PHLPP1: variants seen among roughly 807,000 people sequenced by gnomAD.
PHLPP1 encodes the protein PH domain and leucine rich repeat protein phosphatase 1, also known as PH domain leucine-rich repeat-containing protein phosphatase 1.
In PHLPP1, 42 loss-of-function variants were observed where a neutral mutation model predicts 117.2. The ratio of observed to expected loss-of-function variants is 0.36; its 90% CI spans 0.28 to 0.46. The LOEUF (loss-of-function observed/expected upper bound fraction) is 0.46. PHLPP1 is among the 20% of genes least tolerant of loss of function. The pLI is 1.00. For missense variants in PHLPP1, 2,084 were observed against 2,241.9 expected (o/e 0.93, Z 1.42); for synonymous variants, 1,042 against 970.7 (o/e 1.07, Z -1.37).
At chr18:62,772,767 G>A (rs1912826566) in intron 1 of PHLPP1, among the ~76,000 whole-genome samples, 1 of 145,282 alleles carries the variant, frequency 6.9e-6, no homozygotes, top group Non-Finnish European at 1.5e-5. Flanking sequence ...GCAGGTGGAG[G>A]TTACAGTGAG....
intron 1 of PHLPP1, among the ~76,000 whole-genome samples, chr18:62,750,291 T>A (rs1384274790): frequency 6.6e-6 from 1 of 152,184 alleles, no homozygotes; most frequent in Admixed American, 6.5e-5. Flanking sequence ...TGGAGATACA[T>A]ACAGAAGTAG....
chr18:62,748,072 G>A (rs1911730127), intron 1 of PHLPP1, among the ~76,000 whole-genome samples: 1 of 151,970 alleles, frequency 6.6e-6, no homozygotes, highest in Admixed American at 6.6e-5. Flanking sequence ...TCCTTAGATC[G>A]TGATTGTTAA....
chr18:62,738,007 T>G (rs1177162361), intron 1 of PHLPP1, among the ~76,000 whole-genome samples: 1 of 152,024 alleles, frequency 6.6e-6, no homozygotes, highest in Non-Finnish European at 1.5e-5. Context: ...AGACCTCTAG[T>G]GGATGCCTGA....
chr18:62,895,643 CAGGCCCTGCCCTT>C, intron 5 of PHLPP1, 125 bp from the exon 6 acceptor site: 1 of 619,468 alleles, frequency 1.6e-6, no homozygotes, highest in African/African-American at 1.8e-5. Context: ...ATTATTGCCT[CAGGCCCTGCCCTT>C]AGGCATTTTG....
intron 10 of PHLPP1, among the ~76,000 whole-genome samples, chr18:62,928,269 C>T (rs1909705043): frequency 6.6e-6 from 1 of 152,076 alleles, no homozygotes; most frequent in Admixed American, 6.5e-5. Context: ...GTGCAACCCA[C>T]AGAAATATAT....
intron 4 of PHLPP1, among the ~76,000 whole-genome samples, chr18:62,863,049 CTT>C (rs11318520): frequency 0.077 from 10,886 of 141,788 alleles, 499 homozygotes; most frequent in Non-Finnish European, 0.11. Flanking sequence ...CTGTGGTATT[CTT>C]TTTTTTTTTT....
chr18:62,961,169 G>T (rs978537475), intron 13 of PHLPP1, among the ~76,000 whole-genome samples: 3 of 152,196 alleles, frequency 2.0e-5, no homozygotes, highest in African/African-American at 7.2e-5. Flanking sequence ...GGTGACGCAT[G>T]CCTGCAATCC....
At chr18:62,736,855 T>A (rs1295154227) in intron 1 of PHLPP1, among the ~76,000 whole-genome samples, 2 of 152,208 alleles carry the variant, frequency 1.3e-5, no homozygotes, top group Non-Finnish European at 2.9e-5. Context: ...TAGACATTAT[T>A]TATTTACTTG....
intron 2 of PHLPP1, chr18:62,838,063 A>AT (rs1568133421): frequency 7.9e-5 from 12 of 151,516 alleles, no homozygotes; most frequent in East Asian, 5.8e-4. Context: ...AATTGAAAAA[A>AT]ATATATATAT....
intron 2 of PHLPP1, among the ~76,000 whole-genome samples, chr18:62,834,421 T>A (rs1172064615): frequency 2.6e-5 from 4 of 152,156 alleles, no homozygotes; most frequent in African/African-American, 9.7e-5. Context: ...GAGTTTAAAA[T>A]ATTGTGCAAA....
At chr18:62,802,710 CCG>C (rs1389389896) in intron 1 of PHLPP1, among the ~76,000 whole-genome samples, 1 of 151,962 alleles carries the variant, frequency 6.6e-6, no homozygotes, top group Non-Finnish European at 1.5e-5. Context: ...TGTGAAAACA[CCG>C]AGAATGTATA....
intron 1 of PHLPP1, among the ~76,000 whole-genome samples, chr18:62,753,135 T>C (rs984437192): frequency 1.1e-4 from 16 of 152,184 alleles, no homozygotes; most frequent in Admixed American, 5.2e-4. Flanking sequence ...TTGAGAGAAA[T>C]AGTGCAGAGC....
intron 1 of PHLPP1, among the ~76,000 whole-genome samples, chr18:62,815,293 G>A (rs1478936255): frequency 6.6e-6 from 1 of 151,944 alleles, no homozygotes; most frequent in Non-Finnish European, 1.5e-5. Context: ...GAGTAGCTGG[G>A]ACTACAGGCG....
intron 1 of PHLPP1, among the ~76,000 whole-genome samples, chr18:62,756,901 A>G (rs1469991853): frequency 6.6e-6 from 1 of 152,214 alleles, no homozygotes; most frequent in African/African-American, 2.4e-5. Flanking sequence ...GGGTTTGATC[A>G]AGAAGAGAAG....
Position 62,858,451 on chromosome 18 carries a change from C to T in PHLPP1, c.1900-1984C>T, listed in dbSNP as rs548003507. On this transcript the variant is annotated intron_variant, in intron 3 of 16. Coordinates refer to ENST00000262719, the MANE Select transcript of PHLPP1 (RefSeq NM_194449.4). ...CTAATTTTTGTATTTTTAGTAGAGT[C>T]GGGGTTTCACCATATTGGCCAGGCT... 3.2e-4 allele frequency among the ~76,000 whole-genome samples: 49 copies of T among 152,060 alleles called. 1 individual carries two copies. The highest frequency in any genetic ancestry group is 2.5e-3 in the Admixed American group (38 of 15,248).
Position 62,716,220 on chromosome 18 carries a change from G to C in PHLPP1, c.537G>C (p.Leu179=), listed in dbSNP as rs1185162777. 7 of 1,528,416 alleles carry C rather than the reference G, an allele frequency of 4.6e-6. No homozygotes were observed. The highest frequency in any genetic ancestry group is 6.1e-6 in the Non-Finnish European group (7 of 1,143,470). The allele number at this position is 1,528,416 out of a possible 1,614,324, so 94.7% of individuals were successfully genotyped here. ...GCCTGGACAGGAAGACGCTGCTTCT[G>C]AAGCACCGGCAGACGCTGCAGCTGC... ...TRSLDRKTLL[L]KHRQTLQLQP... The change falls in exon 1 of 17, where the codon CTG becomes CTC. Residue 179 remains leucine (L), a synonymous_variant. Transcript: ENST00000262719. This position sits in a 1 kb window ranked among gnomAD's most constrained non-coding sequence, Gnocchi z 5.7.
intron 3 of PHLPP1, among the ~76,000 whole-genome samples, chr18:62,843,910 T>C (rs1257031511): frequency 6.6e-6 from 1 of 152,234 alleles, no homozygotes; most frequent in African/African-American, 2.4e-5. Context: ...GATGGTCCAC[T>C]TTTTAAAGTG....
Position 62,715,825 on chromosome 18 carries a change from G to A in PHLPP1, c.142G>A (p.Gly48Ser). 4.0e-6 allele frequency: 3 copies of A among 755,682 alleles called. No individual in the cohort carries two copies. The highest frequency in any genetic ancestry group is 6.2e-5 in the Admixed American group (1 of 16,246). 46.8% of individuals were successfully genotyped at this position (755,682 alleles called of 1,614,324 possible). A position where few individuals can be genotyped will look rare whatever the true frequency, so the allele number is the denominator to read the frequency against. Residue 48 changes from glycine to serine, a missense_variant, in exon 1 of 17, where the codon GGC becomes AGC. Gly to Ser is a moderately conservative substitution (Grantham distance 56, BLOSUM62 0). This residue lies in a region of PHLPP1 where 719 missense variants were observed against 636.0 expected (regional missense o/e 1.13). Transcript: ENST00000262719. ...AAALAAAAGG[G>S]RSPEPALTPA... Reference sequence around the variant, plus strand: ...GGCTCTGGCGGCGGCGGCCGGGGGCGGCCGGAGTCCGGAGCCCGCGCTGAC... The same window carrying A: ...GGCTCTGGCGGCGGCGGCCGGGGGCAGCCGGAGTCCGGAGCCCGCGCTGAC...
rs1268618812 is a variant in PHLPP1 at position 62,978,654 on chromosome 18, G to A, written c.4377G>A (p.Arg1459=). 2.5e-6 allele frequency: 4 copies of A among 1,613,900 alleles called. No individual in the cohort carries two copies. In the Admixed American group the frequency reaches 5.0e-5, roughly 20 times the overall value. ...CAGTGAACATGGTGATCAAGGATCGGCCCTCAGATGGGCTGGGCGTGCCGT... is the reference window on the plus strand; with the variant it reads ...CAGTGAACATGGTGATCAAGGATCGACCCTCAGATGGGCTGGGCGTGCCGT... ...PPSVNMVIKD[R]PSDGLGVPSS... The change falls in exon 17 of 17, where the codon CGG becomes CGA. Residue 1459 remains arginine (R), a synonymous_variant. Coordinates refer to ENST00000262719, the MANE Select transcript of PHLPP1 (RefSeq NM_194449.4). This position sits in a 1 kb window ranked among gnomAD's most constrained non-coding sequence, Gnocchi z 7.0.
Sources: allele counts gnomAD v4.1 joint callset (sites outside exome capture counted in the v4.1 genomes callset), GRCh38; gene constraint gnomAD v4.1.1; regional missense constraint gnomAD v4.1.1; non-coding constraint Gnocchi (gnomAD v3.1); transcripts MANE v1.5; gene names NCBI Gene and HGNC (gene_info 2026-07-23, HGNC 2026-07-21).